Variants in SCAPER observed in about 807,000 individuals in gnomAD.
SCAPER encodes S-phase cyclin A associated protein in the ER.
Under a neutral mutation model 182.2 loss-of-function variants are expected in SCAPER, and 98 were observed. The observed-to-expected ratio is 0.54, with a 90% CI of 0.46 to 0.64. The LOEUF is 0.64. SCAPER is among the 30% of genes least tolerant of loss of function. SCAPER has a pLI of 0.00. For missense variants in SCAPER, 1,432 were observed against 1,690.0 expected (o/e 0.85, Z 2.68); for synonymous variants, 605 against 564.6 (o/e 1.07, Z -1.01).
chr15:76,689,659 AGGTCTTGTTTTCTAAAT>A (rs1356894217), intron 20 of SCAPER, among the ~76,000 whole-genome samples: 1 of 151,860 alleles, frequency 6.6e-6, no homozygotes, highest in African/African-American at 2.4e-5. Flanking sequence ...CCTTATATCT[AGGTCTTGTTTTCTAAAT>A]GTTATCCTTG....
intron 5 of SCAPER, among the ~76,000 whole-genome samples, chr15:76,813,247 A>AAAAAAAAAAAAAAAAAAAAAAC (rs2066802262): frequency 1.6e-5 from 1 of 61,370 alleles, no homozygotes; most frequent in African/African-American, 3.2e-5. Context: ...AAAAAAAAAA[A>AAAAAAAAAAAAAAAAAAAAAAC]AAAAAAAACA....
intron 8 of SCAPER, chr15:76,793,512 T>C: frequency 7.1e-6 from 3 of 420,432 alleles, no homozygotes; most frequent in African/African-American, 4.1e-5. Flanking sequence ...TAATCAATCA[T>C]GCCTAGATAA....
At chr15:76,525,707 G>A (rs1439555627) in intron 23 of SCAPER, among the ~76,000 whole-genome samples, 2 of 152,136 alleles carry the variant, frequency 1.3e-5, no homozygotes, top group Non-Finnish European at 2.9e-5. Flanking sequence ...TTTTATGGCT[G>A]TGTAGTATTC....
chr15:76,397,227 T>C (rs1359913108), intron 27 of SCAPER, among the ~76,000 whole-genome samples: 1 of 152,104 alleles, frequency 6.6e-6, no homozygotes, highest in Non-Finnish European at 1.5e-5. Flanking sequence ...GGTTTGCTAG[T>C]ATTTTGTTGA....
intron 22 of SCAPER, among the ~76,000 whole-genome samples, chr15:76,587,202 T>C (rs2048732108): frequency 6.6e-6 from 1 of 152,116 alleles, no homozygotes; most frequent in African/African-American, 2.4e-5. Context: ...ATCAATAGAA[T>C]GGTCTGTTGA....
At chr15:76,760,579 T>G (rs1228478139) in intron 14 of SCAPER, among the ~76,000 whole-genome samples, 2 of 152,154 alleles carry the variant, frequency 1.3e-5, no homozygotes, top group Non-Finnish European at 2.9e-5. Flanking sequence ...CAACCAAACC[T>G]GGAGGTTGAA....
chr15:76,735,383 A>G (rs750078091), intron 15 of SCAPER, among the ~76,000 whole-genome samples: 1 of 152,008 alleles, frequency 6.6e-6, no homozygotes, highest in Non-Finnish European at 1.5e-5. Context: ...ATTTAAAAGA[A>G]CAGCAACAAT....
chr15:76,755,219 C>T (rs2062347538), intron 14 of SCAPER, among the ~76,000 whole-genome samples: 1 of 152,120 alleles, frequency 6.6e-6, no homozygotes, highest in Admixed American at 6.5e-5. Flanking sequence ...TAAAATAATA[C>T]ATTGACTCTT....
At chr15:76,619,231 T>G (rs2051788595) in intron 22 of SCAPER, among the ~76,000 whole-genome samples, 1 of 152,256 alleles carries the variant, frequency 6.6e-6, no homozygotes, top group African/African-American at 2.4e-5. Flanking sequence ...TGCTCCAGCT[T>G]CTTTCACTCA....
At chr15:76,453,312 C>G (rs2048504252) in intron 25 of SCAPER, among the ~76,000 whole-genome samples, 1 of 152,174 alleles carries the variant, frequency 6.6e-6, no homozygotes, top group Non-Finnish European at 1.5e-5. Context: ...TCAAAATTTG[C>G]CAGTTGTCCC....
chr15:76,643,048 T>C lies in SCAPER; in HGVS notation c.2646-21219A>G, dbSNP rs190496118. Among the ~76,000 whole-genome samples the C allele has an allele frequency of 2.9e-4, 44 of 152,286 alleles. No homozygotes were observed. In the East Asian group the frequency reaches 4.3e-3, roughly 15 times the overall value. Reference sequence around the variant, plus strand: ...TGCTCTGGGATATCCCCTGGAGAGTTTGAACTGGCTTACTATAGCCACAGG... The same window carrying C: ...TGCTCTGGGATATCCCCTGGAGAGTCTGAACTGGCTTACTATAGCCACAGG... On this transcript the variant is annotated intron_variant, in intron 21 of 31. Coordinates refer to ENST00000563290, the MANE Select transcript of SCAPER (RefSeq NM_020843.4).
chr15:76,623,995 A>G (rs1244860760), intron 21 of SCAPER, among the ~76,000 whole-genome samples: 2 of 152,236 alleles, frequency 1.3e-5, no homozygotes, highest in Non-Finnish European at 2.9e-5. Context: ...AAGAACAGGA[A>G]CAACACAAGG....
intron 15 of SCAPER, among the ~76,000 whole-genome samples, chr15:76,739,110 T>C (rs2061424558): frequency 6.6e-6 from 1 of 152,198 alleles, no homozygotes; most frequent in Non-Finnish European, 1.5e-5. Context: ...ATTTAAAGTA[T>C]ACAGGAGGAT....
intron 21 of SCAPER, among the ~76,000 whole-genome samples, chr15:76,649,984 G>A (rs942828971): frequency 3.9e-5 from 6 of 152,126 alleles, no homozygotes; most frequent in Admixed American, 1.3e-4. Flanking sequence ...CTGAAAGATT[G>A]GAACAAAATT....
chr15:76,427,752 G>C (rs550664665), intron 26 of SCAPER, among the ~76,000 whole-genome samples: 4 of 152,016 alleles, frequency 2.6e-5, no homozygotes, highest in South Asian at 2.1e-4. Context: ...GGCCAACATG[G>C]TGAAACCCCA....
chr15:76,751,920 G>A (rs549761602), intron 15 of SCAPER, among the ~76,000 whole-genome samples: 1 of 151,574 alleles, frequency 6.6e-6, no homozygotes, highest in African/African-American at 2.4e-5. Context: ...GTCAAAAGAT[G>A]CTACTGTCAA....
Position 76,348,650 on chromosome 15 carries a change from T to C in SCAPER, c.4186A>G (p.Lys1396Glu). The part of the protein sequence containing the change: ...AWEEARQFFL[K>E]KEKK ...CAAAACATTTATTTTTTCTCTTTTT[T>C]CAAGAAAAACTGTCGAGCTTCTTCC... The change falls in exon 32 of 32, where the codon AAA (lysine) becomes GAA (glutamate). Residue 1396 changes from lysine (K) to glutamate (E), a missense_variant. This residue lies in a region of SCAPER where 718 missense variants were observed against 799.7 expected (regional missense o/e 0.90). Transcript: ENST00000563290. 1.9e-6 allele frequency: 3 copies of C among 1,548,504 alleles called. No homozygotes were observed. Among genetic ancestry groups the C allele is most frequent in the Non-Finnish European group, 2.6e-6 (3 of 1,145,692 alleles).
At chr15:76,809,316 C>CACA (rs1183690769) in intron 5 of SCAPER, among the ~76,000 whole-genome samples, 2 of 152,068 alleles carry the variant, frequency 1.3e-5, no homozygotes, top group African/African-American at 4.8e-5. Context: ...TGTGACTTAT[C>CACA]ACATAGAGAA....
At chr15:76,462,524 C>T (rs1442824810) in intron 25 of SCAPER, among the ~76,000 whole-genome samples, 1 of 152,104 alleles carries the variant, frequency 6.6e-6, no homozygotes, top group African/African-American at 2.4e-5. Flanking sequence ...ATTCTATGTG[C>T]ATTAAACTGT....
Sources: gnomAD v4.1 joint callset for allele counts (sites outside exome capture counted in the v4.1 genomes callset) on GRCh38, gnomAD v4.1.1 for gene constraint, gnomAD v4.1.1 regional missense constraint, MANE v1.5 for transcripts, NCBI Gene and HGNC (gene_info 2026-07-23, HGNC 2026-07-21) for gene names.